The following NLRP7 variants were observed in gnomAD, a reference collection of about 807,000 sequenced individuals.
NLRP7 encodes NLR family pyrin domain containing 7, also known as NACHT, LRR and PYD domains-containing protein 7.
A neutral mutation model predicts 85.5 loss-of-function variants in NLRP7; 72 were observed. The observed-to-expected ratio is 0.84, with a 90% CI of 0.70 to 1.02. The LOEUF (loss-of-function observed/expected upper bound fraction) is 1.02, where lower values mean the gene tolerates loss of function less well. NLRP7 is among the 50% of genes least tolerant of loss of function. NLRP7 has a pLI of 0.00. For synonymous variants in NLRP7, 550 were observed against 505.2 expected, an observed-to-expected ratio of 1.09 and a Z score of -1.19; for missense variants, 1,243 against 1,219.5, an observed-to-expected ratio of 1.02 and a Z score of -0.29.
chr19:54,930,513 G>A (rs1359562064), exon 9 of NLRP7: 1 of 1,609,370 alleles, frequency 6.2e-7, no homozygotes, highest in South Asian at 1.1e-5. Context: ...GGTGTTTTAG[G>A]TTACAGTTTG....
intron 5 of NLRP7, among the ~76,000 whole-genome samples, chr19:54,936,929 T>G (rs928269192): frequency 7.1e-6 from 1 of 141,332 alleles, no homozygotes; most frequent in Non-Finnish European, 1.5e-5. Flanking sequence ...GAAAAAAAAA[T>G]TCGCCGGGTG....
intron 5 of NLRP7, among the ~76,000 whole-genome samples, chr19:54,936,691 G>A (rs2068943390): frequency 6.6e-6 from 1 of 152,076 alleles, no homozygotes; most frequent in South Asian, 2.1e-4. Context: ...GAGGCAGGCA[G>A]ATCGCCTGAG....
intron 1 of NLRP7, chr19:54,953,390 T>G (rs1468689835): frequency 6.6e-6 from 1 of 152,310 alleles, no homozygotes; most frequent in Non-Finnish European, 1.5e-5. Flanking sequence ...GGGGGCTGCA[T>G]GCACTGGTAA....
At chr19:54,940,278 C>T (rs746825387) in exon 4 of NLRP7, 19 of 1,614,122 alleles carry the variant, frequency 1.2e-5, no homozygotes, top group Non-Finnish European at 1.6e-5. Flanking sequence ...TTCCCCACGC[C>T]TGCGGGGCCG....
At chr19:54,960,697 G>A (rs899341728) in intron 1 of NLRP7, among the ~76,000 whole-genome samples, 6 of 152,164 alleles carry the variant, frequency 3.9e-5, no homozygotes, top group South Asian at 2.1e-4. Flanking sequence ...CCGGATTCAC[G>A]CCATTCTCCT....
At chr19:54,956,040 C>A (rs1256917633) in intron 1 of NLRP7, among the ~76,000 whole-genome samples, 7 of 151,640 alleles carry the variant, frequency 4.6e-5, no homozygotes, top group African/African-American at 1.7e-4. Context: ...CTCAGGAGGC[C>A]AAGGCAGGAG....
rs151068899 is a variant in NLRP7, at chr19:54,940,033, A to G, written c.786T>C (p.Pro262=). ...CGCAGATGTCCTGGATCAGCGCCCC[A>G]GGTGGGACTTTCAGCTCATCAAGGC... The change falls in exon 4 of 10, where the codon CCT becomes CCC. Residue 262 remains proline (P), a synonymous_variant. Coordinates refer to ENST00000340844, the Ensembl canonical transcript of NLRP7. 200 of 1,614,020 alleles carry G rather than the reference A, an allele frequency of 1.2e-4. 1 individual carries two copies. Among genetic ancestry groups the G allele is most frequent in the Non-Finnish European group, 1.6e-4 (189 of 1,180,016 alleles).
In NLRP7 at chr19:54,934,517, G is replaced by A. The variant is rs768718588; in HGVS notation, c.2443C>T (p.Arg815Cys). 21 of 1,614,038 alleles carry A rather than the reference G, an allele frequency of 1.3e-5. No individual in the cohort carries two copies. The highest frequency in any genetic ancestry group is 3.3e-5 in the South Asian group (3 of 91,088). The stretch of plus-strand genomic sequence containing the variant: ...AACATCTGCAGGAAGTGTTTTGGGC[G>A]TGTCATGGTCTTGTACAGCAACATG... Residue 815 changes from arginine (R) to cysteine (C), a missense_variant, in exon 7 of 10, where the codon CGC becomes TGC. This residue lies in a region of NLRP7 where 613 missense variants were observed against 588.4 expected (regional missense o/e 1.04). Coordinates refer to ENST00000340844, the Ensembl canonical transcript of NLRP7. This position sits in a 1 kb window ranked among gnomAD's most constrained non-coding sequence, Gnocchi z 6.7.
At chr19:54,960,110 A>G (rs575691353) in intron 1 of NLRP7, among the ~76,000 whole-genome samples, 1 of 152,042 alleles carries the variant, frequency 6.6e-6, no homozygotes, top group East Asian at 1.9e-4. Flanking sequence ...AAACTCACTT[A>G]TTCCAACAGA....
At chr19:54,941,964 G>A (rs945543468) in intron 1 of NLRP7, among the ~76,000 whole-genome samples, 5 of 151,964 alleles carry the variant, frequency 3.3e-5, no homozygotes, top group Non-Finnish European at 5.9e-5. Context: ...TAAAAAGAAC[G>A]AACAAAAGGC....
At position 54,943,549 on chromosome 19, in the gene NLRP7, G is replaced by C. The variant is rs186527623; in HGVS notation, c.-39-1799C>G. On this transcript the variant is annotated intron_variant, in intron 1 of 9. Coordinates refer to ENST00000340844, the Ensembl canonical transcript of NLRP7. ...CCGGGAGGCGGAGCTTGCAGTGAGC[G>C]GAGATCGCGCCACCGCACTCCAGCC... Among the ~76,000 whole-genome samples, 768 of 149,826 alleles carry C rather than the reference G, an allele frequency of 5.1e-3. 11 individuals are homozygous for C. The highest frequency in any genetic ancestry group is 0.023 in the Admixed American group (344 of 15,050).
chr19:54,955,819 A>G (rs904134882), intron 1 of NLRP7, among the ~76,000 whole-genome samples: 2 of 151,942 alleles, frequency 1.3e-5, no homozygotes, highest in African/African-American at 4.8e-5. Context: ...TCCTGGGTTC[A>G]AGGGATTGTC....
At chr19:54,943,956 G>A (rs754022716) in intron 1 of NLRP7, among the ~76,000 whole-genome samples, 2 of 152,096 alleles carry the variant, frequency 1.3e-5, no homozygotes, top group Non-Finnish European at 2.9e-5. Context: ...ATGCTTGAAG[G>A]CAGCATGCTT....
chr19:54,964,272 A>C (rs1284254398), intron 1 of NLRP7, among the ~76,000 whole-genome samples: 1 of 120,404 alleles, frequency 8.3e-6, no homozygotes, highest in Non-Finnish European at 1.6e-5. Flanking sequence ...GCTGGAGTGC[A>C]GTGGCGCGAT....
At position 54,945,065 on chromosome 19, in the gene NLRP7, C is replaced by T. The variant is rs143126228; in HGVS notation, c.-40+2404G>A. ...CCATCCTGGCTAACACGGTGAAACCCCGTCTCTACTAAAAATACAAAAAAA... is the reference window on the plus strand; with the variant it reads ...CCATCCTGGCTAACACGGTGAAACCTCGTCTCTACTAAAAATACAAAAAAA... On this transcript the variant is annotated intron_variant, in intron 1 of 9. Coordinates refer to ENST00000340844, the Ensembl canonical transcript of NLRP7. Among the ~76,000 whole-genome samples, 969 of 151,590 alleles carry T rather than the reference C, an allele frequency of 6.4e-3. 12 individuals are homozygous for T. Among genetic ancestry groups the T allele is most frequent in the African/African-American group, 0.022 (924 of 41,362 alleles).
rs536098151 is a variant in NLRP7 at position 54,941,802 on chromosome 19, CCA to C, written c.-39-54_-39-53del. 109 of 1,343,590 alleles carry C rather than the reference CCA, an allele frequency of 8.1e-5. No individual in the cohort carries two copies. The African/African-American group carries it at 1.4e-3, about 17-fold the overall frequency. The allele number at this position is 1,343,590 out of a possible 1,614,324, so 83.2% of individuals were successfully genotyped here. On this transcript the variant is annotated intron_variant, in intron 1 of 9. Transcript: ENST00000340844. ...CACGAGTTACCATCATTAAATGAAA[CCA>C]CAGTTTCCTGTGTGCCAAGAACAAG...
At chr19:54,935,475 C>CACTTGAGG (rs1308736472) in intron 6 of NLRP7, among the ~76,000 whole-genome samples, 2 of 152,086 alleles carry the variant, frequency 1.3e-5, no homozygotes, top group African/African-American at 4.8e-5. Flanking sequence ...ACAGGCGGAT[C>CACTTGAGG]ACTTGAGGTC....
At chr19:54,941,497 A>G (rs898713348) in exon 2 of NLRP7, 3 of 1,613,314 alleles carry the variant, frequency 1.9e-6, no homozygotes, top group African/African-American at 2.7e-5. Flanking sequence ...CAAGATGTTC[A>G]CAGTCGCATT....
intron 9 of NLRP7, among the ~76,000 whole-genome samples, chr19:54,929,205 C>T (rs888445004): frequency 2.6e-5 from 4 of 151,902 alleles, no homozygotes; most frequent in African/African-American, 9.7e-5. Flanking sequence ...CTGGTCTCTA[C>T]TAAAAATACA....
Sources: allele counts gnomAD v4.1 joint callset (sites outside exome capture counted in the v4.1 genomes callset), GRCh38; gene constraint gnomAD v4.1.1; regional missense constraint gnomAD v4.1.1; non-coding constraint Gnocchi (gnomAD v3.1); transcripts MANE v1.5; gene names NCBI Gene and HGNC (gene_info 2026-07-23, HGNC 2026-07-21).